The following LCLAT1 variants were observed in gnomAD, a reference collection of about 807,000 sequenced individuals.
The protein encoded by LCLAT1 is 1-AGP acyltransferase 8.
LCLAT1 carries 11 observed loss-of-function variants against 30.7 expected under a neutral mutation model. The observed-to-expected ratio is 0.36, with a 90% CI of 0.23 to 0.59. LCLAT1 has a LOEUF of 0.59. Ranked by LOEUF, LCLAT1 falls within the 20% of genes least tolerant of loss-of-function variation. The pLI is 0.77. For synonymous variants in LCLAT1, 155 were observed against 151.3 expected (o/e 1.02, Z -0.18); for missense variants, 402 against 458.6 (o/e 0.88, Z 1.13).
intron 1 of LCLAT1, among the ~76,000 whole-genome samples, chr2:30,504,491 C>T (rs1334606323): frequency 6.6e-6 from 1 of 151,072 alleles, no homozygotes; most frequent in Non-Finnish European, 1.5e-5. Flanking sequence ...TCATTCCTAT[C>T]TCAATTTATG....
chr2:30,508,338 G>C (rs866122773), intron 1 of LCLAT1, among the ~76,000 whole-genome samples: 6 of 152,168 alleles, frequency 3.9e-5, no homozygotes, highest in Admixed American at 6.5e-5. Flanking sequence ...TGGTATCTTT[G>C]TCATGAAATC....
intron 5 of LCLAT1, among the ~76,000 whole-genome samples, chr2:30,627,338 T>TCC (rs1026641327): frequency 1.9e-4 from 29 of 152,178 alleles, no homozygotes; most frequent in African/African-American, 6.7e-4. Context: ...TATACCCTGG[T>TCC]CCCCTTCCCC....
chr2:30,453,041 A>T (rs1681636770), intron 1 of LCLAT1, among the ~76,000 whole-genome samples: 1 of 152,152 alleles, frequency 6.6e-6, no homozygotes, highest in Non-Finnish European at 1.5e-5. Context: ...ACTTGCTCAG[A>T]GAAAATGGAT....
chr2:30,462,212 C>T (rs1682185062), intron 1 of LCLAT1, among the ~76,000 whole-genome samples: 1 of 152,144 alleles, frequency 6.6e-6, no homozygotes. Context: ...CTGTCCCAGT[C>T]TTTATATACA....
intron 1 of LCLAT1, among the ~76,000 whole-genome samples, chr2:30,494,241 GACCAAA>G (rs1683984265): frequency 6.6e-6 from 1 of 151,822 alleles, no homozygotes; most frequent in Non-Finnish European, 1.5e-5. Flanking sequence ...AAAACAAAAA[GACCAAA>G]ACCAAAAACA....
At position 30,640,846 on chromosome 2, in the gene LCLAT1, G is replaced by A. The variant is rs897504693; in HGVS notation, c.*227G>A. 8.9e-6 allele frequency: 4 copies of A among 450,210 alleles called. No homozygotes were observed. The highest frequency in any genetic ancestry group is 8.2e-5 in the African/African-American group (4 of 48,908). The allele number at this position is 450,210 out of a possible 1,614,324, so 27.9% of individuals were successfully genotyped here. On this transcript the variant is annotated 3_prime_UTR_variant, in exon 6 of 6. Transcript: ENST00000379509. ...GTACATAGCAGGGAGTGATCGGGGT[G>A]AAATAACTTGGGCCAGAATATTATT...
At chr2:30,479,177 G>A (rs1683202879) in intron 1 of LCLAT1, among the ~76,000 whole-genome samples, 1 of 152,010 alleles carries the variant, frequency 6.6e-6, no homozygotes, top group Non-Finnish European at 1.5e-5. Flanking sequence ...CAGACATGTT[G>A]AATAAAAGCA....
chr2:30,555,786 A>G (rs983477425), intron 3 of LCLAT1, among the ~76,000 whole-genome samples: 4 of 151,942 alleles, frequency 2.6e-5, no homozygotes, highest in African/African-American at 4.8e-5. Flanking sequence ...TGGGGTATAC[A>G]ATTTCCAAAC....
chr2:30,490,873 C>G (rs1463474677), intron 1 of LCLAT1, among the ~76,000 whole-genome samples: 2 of 152,032 alleles, frequency 1.3e-5, no homozygotes, highest in African/African-American at 2.4e-5. Context: ...TGTGGCTAGT[C>G]AAATTGAGAT....
At chr2:30,448,342 C>T (rs1681369433) in intron 1 of LCLAT1, among the ~76,000 whole-genome samples, 1 of 150,610 alleles carries the variant, frequency 6.6e-6, no homozygotes. Flanking sequence ...TTGATGAAAG[C>T]CCTTTTTGTA....
At chr2:30,558,656 A>G (rs886428246) in intron 3 of LCLAT1, among the ~76,000 whole-genome samples, 18 of 152,042 alleles carry the variant, frequency 1.2e-4, no homozygotes, top group Non-Finnish European at 2.2e-4. Context: ...GTGAATCACA[A>G]CTACTACACA....
chr2:30,488,689 A>G (rs1032043526), intron 1 of LCLAT1, among the ~76,000 whole-genome samples: 8 of 152,148 alleles, frequency 5.3e-5, no homozygotes, highest in African/African-American at 1.9e-4. Context: ...CCTAGGCTGC[A>G]TTGATTTAGA....
At chr2:30,495,550 TAAAA>T (rs1375912106) in intron 1 of LCLAT1, among the ~76,000 whole-genome samples, 1 of 151,700 alleles carries the variant, frequency 6.6e-6, no homozygotes, top group Non-Finnish European at 1.5e-5. Flanking sequence ...GCTAGAAGAT[TAAAA>T]AAAAGAAGAA....
intron 1 of LCLAT1, among the ~76,000 whole-genome samples, chr2:30,487,405 T>C (rs957064003): frequency 1.8e-4 from 27 of 152,190 alleles, no homozygotes; most frequent in Admixed American, 1.6e-3. Context: ...CATAAAATAG[T>C]GACATTTGTA....
At chr2:30,518,445 C>A (rs1380931753) in intron 1 of LCLAT1, among the ~76,000 whole-genome samples, 1 of 152,150 alleles carries the variant, frequency 6.6e-6, no homozygotes, top group Admixed American at 6.5e-5. Context: ...TGCACTCAGC[C>A]AAGCCTTAAA....
At chr2:30,572,528 G>A (rs1398565604) in intron 5 of LCLAT1, among the ~76,000 whole-genome samples, 2 of 152,126 alleles carry the variant, frequency 1.3e-5, no homozygotes, top group African/African-American at 4.8e-5. Context: ...CCTAAGCTAG[G>A]TGGTAGTTTG....
chr2:30,598,292 G>GTTAT (rs1667019428), intron 5 of LCLAT1, among the ~76,000 whole-genome samples: 1 of 151,920 alleles, frequency 6.6e-6, no homozygotes, highest in Admixed American at 6.6e-5. Context: ...TGGTTGGTAG[G>GTTAT]TTATTTATTA....
chr2:30,587,522 A>G (rs1445039984), intron 5 of LCLAT1, among the ~76,000 whole-genome samples: 1 of 152,240 alleles, frequency 6.6e-6, no homozygotes, highest in Non-Finnish European at 1.5e-5. Flanking sequence ...ACTTTGATGC[A>G]TTAAACTAGT....
In LCLAT1 at chr2:30,539,721, G is replaced by A. The variant is rs965483326; in HGVS notation, c.364+6407G>A. Reference sequence around the variant, plus strand: ...TAGATGTCAAAAAAATTTTCAACTCGGGTATAATTTCAGGAGAAGGAAAAG... The same window carrying A: ...TAGATGTCAAAAAAATTTTCAACTCAGGTATAATTTCAGGAGAAGGAAAAG... On this transcript the variant is annotated intron_variant, in intron 3 of 5. Coordinates refer to ENST00000379509, the MANE Select transcript of LCLAT1 (RefSeq NM_001002257.3). 7.9e-5 allele frequency among the ~76,000 whole-genome samples: 12 copies of A among 152,108 alleles called. 1 individual carries two copies. In the East Asian group the frequency reaches 1.5e-3, roughly 20 times the overall value.
Sources: allele counts gnomAD v4.1 joint callset (sites outside exome capture counted in the v4.1 genomes callset), GRCh38; gene constraint gnomAD v4.1.1; transcripts MANE v1.5; gene names NCBI Gene and HGNC (gene_info 2026-07-23, HGNC 2026-07-21).